NLGN1: variants seen among roughly 807,000 people sequenced by gnomAD.
NLGN1 encodes neuroligin-1.
A neutral mutation model predicts 65.5 loss-of-function variants in NLGN1; 12 were observed. That is an observed-to-expected ratio of 0.18 (90% CI 0.12 to 0.30). NLGN1 has a LOEUF of 0.30. Among genes scored for constraint, NLGN1 ranks in the 10% least tolerant of loss-of-function variants. The pLI is 1.00. For synonymous variants in NLGN1, 350 were observed against 359.5 expected (o/e 0.97, Z 0.30); for missense variants, 750 against 1,007.1 (o/e 0.74, Z 3.46).
intron 4 of NLGN1, among the ~76,000 whole-genome samples, chr3:173,990,468 T>A (rs1720863900): frequency 6.6e-6 from 1 of 152,216 alleles, no homozygotes; most frequent in Non-Finnish European, 1.5e-5. Flanking sequence ...TTTTTGCAAA[T>A]GAGCATGCAA....
chr3:173,474,683 G>A (rs1466366820), intron 2 of NLGN1, among the ~76,000 whole-genome samples: 1 of 152,112 alleles, frequency 6.6e-6, no homozygotes, highest in East Asian at 1.9e-4. Context: ...AGTTGGGCTG[G>A]GTGCAGTTGC....
At chr3:173,427,914 T>A (rs479205) in intron 1 of NLGN1, among the ~76,000 whole-genome samples, 42,671 of 150,586 alleles carry the variant, frequency 0.28, 6,235 homozygotes, top group Middle Eastern at 0.4. Context: ...GGCACTAATG[T>A]CTCCTATTAT....
intron 1 of NLGN1, among the ~76,000 whole-genome samples, chr3:173,432,884 C>T (rs1038148712): frequency 6.6e-6 from 1 of 152,038 alleles, no homozygotes; most frequent in African/African-American, 2.4e-5. Flanking sequence ...GATTTGGGTG[C>T]TGGGTATCCT....
intron 3 of NLGN1, among the ~76,000 whole-genome samples, chr3:173,694,423 G>A (rs1350455591): frequency 6.6e-6 from 1 of 152,096 alleles, no homozygotes; most frequent in Admixed American, 6.6e-5. Context: ...ATTATGTTTG[G>A]TTCATTGGGA....
chr3:173,691,541 G>T (rs1382447234), intron 3 of NLGN1, among the ~76,000 whole-genome samples: 2 of 151,992 alleles, frequency 1.3e-5, no homozygotes, highest in African/African-American at 2.4e-5. Flanking sequence ...ATTCATCTAG[G>T]TTCATGTGTG....
chr3:174,026,309 A>G (rs761930551), intron 4 of NLGN1, among the ~76,000 whole-genome samples: 5 of 152,010 alleles, frequency 3.3e-5, no homozygotes, highest in African/African-American at 4.8e-5. Flanking sequence ...TATTTTTTGT[A>G]GAGACAGGGT....
chr3:173,811,566 CAAAAAAA>C, intron 4 of NLGN1, among the ~76,000 whole-genome samples: 1 of 46,450 alleles, frequency 2.2e-5, no homozygotes, highest in Middle Eastern at 0.012. Context: ...AACTCCGTCT[CAAAAAAA>C]AAAAAAAAAA....
intron 2 of NLGN1, among the ~76,000 whole-genome samples, chr3:173,554,075 A>G (rs1169381693): frequency 1.3e-5 from 2 of 152,180 alleles, no homozygotes; most frequent in Non-Finnish European, 2.9e-5. Flanking sequence ...TTGCTACCAT[A>G]TGGTGACACC....
chr3:173,705,199 C>G (rs1227611195), intron 3 of NLGN1, among the ~76,000 whole-genome samples: 2 of 151,666 alleles, frequency 1.3e-5, no homozygotes, highest in Non-Finnish European at 2.9e-5. Context: ...AATTTGTGAC[C>G]TACATCCTGT....
At chr3:174,117,330 G>A (rs1235219458) in intron 4 of NLGN1, among the ~76,000 whole-genome samples, 1 of 151,832 alleles carries the variant, frequency 6.6e-6, no homozygotes, top group Non-Finnish European at 1.5e-5. Context: ...AAAATCACTG[G>A]GATAGGCCGG....
At chr3:174,107,587 T>A (rs1421552454) in intron 4 of NLGN1, among the ~76,000 whole-genome samples, 1 of 152,324 alleles carries the variant, frequency 6.6e-6, no homozygotes, top group East Asian at 1.9e-4. Flanking sequence ...ATTAAGTTGC[T>A]ATAAACATTC....
At chr3:173,439,809 C>CT (rs1718829239) in intron 2 of NLGN1, among the ~76,000 whole-genome samples, 2 of 152,040 alleles carry the variant, frequency 1.3e-5, no homozygotes, top group South Asian at 4.1e-4. Flanking sequence ...CTTTTTATTG[C>CT]TGGAGGGTCT....
intron 2 of NLGN1, among the ~76,000 whole-genome samples, chr3:173,597,618 G>A (rs959648883): frequency 3.3e-5 from 5 of 151,716 alleles, no homozygotes; most frequent in African/African-American, 1.2e-4. Context: ...GGTGAAAAGT[G>A]TATGCATATA....
At chr3:173,687,679 C>CA (rs1257805863) in intron 3 of NLGN1, among the ~76,000 whole-genome samples, 10 of 152,178 alleles carry the variant, frequency 6.6e-5, no homozygotes, top group African/African-American at 2.4e-4. Context: ...GTCATCAGCT[C>CA]AGATAACTAT....
chr3:173,734,379 C>CAATT (rs1560261820), intron 3 of NLGN1, among the ~76,000 whole-genome samples: 1 of 59,046 alleles, frequency 1.7e-5, no homozygotes, highest in African/African-American at 6.4e-5. Context: ...GTGGATAATT[C>CAATT]TATTTTTTTT....
At chr3:173,556,535 C>T (rs535593552) in intron 2 of NLGN1, among the ~76,000 whole-genome samples, 2 of 152,044 alleles carry the variant, frequency 1.3e-5, no homozygotes, top group South Asian at 4.1e-4. Flanking sequence ...TTATTTTTGG[C>T]TGGGTACAGT....
intron 4 of NLGN1, among the ~76,000 whole-genome samples, chr3:173,903,471 A>C (rs1047530716): frequency 6.6e-6 from 1 of 152,202 alleles, no homozygotes; most frequent in East Asian, 1.9e-4. Flanking sequence ...GATTATCTGA[A>C]ATATATTTAT....
intron 2 of NLGN1, among the ~76,000 whole-genome samples, chr3:173,472,342 C>T (rs1725453280): frequency 6.6e-6 from 1 of 152,048 alleles, no homozygotes; most frequent in South Asian, 2.1e-4. Flanking sequence ...TATCCTTAGT[C>T]ATAATGTCTT....
At chr3:173,415,452 G>A (rs1713479822) in intron 1 of NLGN1, among the ~76,000 whole-genome samples, 1 of 152,216 alleles carries the variant, frequency 6.6e-6, no homozygotes, top group Non-Finnish European at 1.5e-5. Context: ...ATGGAAAGAA[G>A]CTTGATGCTA....
Sources: gnomAD v4.1 joint callset for allele counts (sites outside exome capture counted in the v4.1 genomes callset) on GRCh38, gnomAD v4.1.1 for gene constraint, MANE v1.5 for transcripts, NCBI Gene and HGNC (gene_info 2026-07-23, HGNC 2026-07-21) for gene names.